The following KLHL29 variants were observed in gnomAD, a reference collection of about 807,000 sequenced individuals.
The protein encoded by KLHL29 is kelch like family member 29.
KLHL29 carries 21 observed loss-of-function variants against 80.4 expected under a neutral mutation model. The observed-to-expected ratio is 0.26, with a 90% CI of 0.19 to 0.38. The LOEUF (loss-of-function observed/expected upper bound fraction) is 0.38. KLHL29 is among the 10% of genes least tolerant of loss of function. The pLI is 1.00. For missense variants in KLHL29, 867 were observed against 1,223.9 expected (o/e 0.71, Z 4.35); for synonymous variants, 511 against 526.8 (o/e 0.97, Z 0.41).
At chr2:23,666,032 C>A (rs1272439848) in intron 5 of KLHL29, among the ~76,000 whole-genome samples, 10 of 152,212 alleles carry the variant, frequency 6.6e-5, no homozygotes, top group Admixed American at 3.3e-4. Flanking sequence ...CACCTCACCC[C>A]AAGTTGTAAA....
Position 23,608,364 on chromosome 2 carries a change from G to A in KLHL29, c.286-30775G>A, listed in dbSNP as rs184155668. 9.2e-5 allele frequency among the ~76,000 whole-genome samples: 14 copies of A among 152,156 alleles called. No individual in the cohort carries two copies. The East Asian group carries it at 2.1e-3, about 23-fold the overall frequency. On this transcript the variant is annotated intron_variant, in intron 3 of 13. Coordinates refer to ENST00000486442, the MANE Select transcript of KLHL29 (RefSeq NM_052920.2). ...TGTGAGGTCTCTTGCCTGTTGCCCT[G>A]ACTTGCAACTGAGTATTTCATTTTT...
At chr2:23,391,853 T>G (rs148103674) in intron 1 of KLHL29, among the ~76,000 whole-genome samples, 142 of 152,354 alleles carry the variant, frequency 9.3e-4, no homozygotes, top group African/African-American at 3.4e-3. Flanking sequence ...GTTACTGACA[T>G]TTGTTCTTCC....
intron 1 of KLHL29, among the ~76,000 whole-genome samples, chr2:23,404,548 G>A (rs1354751190): frequency 6.6e-6 from 1 of 152,152 alleles, no homozygotes; most frequent in Non-Finnish European, 1.5e-5. Flanking sequence ...GATCGAGGTG[G>A]TCCACTGTCA....
chr2:23,622,282 T>C (rs998659175), intron 3 of KLHL29, among the ~76,000 whole-genome samples: 1 of 152,162 alleles, frequency 6.6e-6, no homozygotes, highest in African/African-American at 2.4e-5. Context: ...ATCCCCTCTG[T>C]TCATGCCCAC....
At chr2:23,626,218 C>T (rs1341074915) in intron 3 of KLHL29, among the ~76,000 whole-genome samples, 1 of 152,206 alleles carries the variant, frequency 6.6e-6, no homozygotes, top group Non-Finnish European at 1.5e-5. Flanking sequence ...GTTCGTGCTC[C>T]TATGGGAATC....
At position 23,680,068 on chromosome 2, in the gene KLHL29, G is replaced by A. The variant is rs1458236023; in HGVS notation, c.941-4331G>A. On this transcript the variant is annotated intron_variant, in intron 5 of 13. Transcript: ENST00000486442. This position sits in a 1 kb window ranked among gnomAD's most constrained non-coding sequence, Gnocchi z 4.1. ...AAGGATTTGTGTGGCCAGTGGCTGT[G>A]AGGATGCAGTGTGGAGGTGGCCTGG... Among the ~76,000 whole-genome samples the A allele has an allele frequency of 6.6e-6, 1 of 152,214 alleles. No homozygotes were observed. Among genetic ancestry groups the A allele is most frequent in the South Asian group, 2.1e-4 (1 of 4,834 alleles).
chr2:23,490,849 C>T (rs567767388), intron 2 of KLHL29, among the ~76,000 whole-genome samples: 220 of 152,306 alleles, frequency 1.4e-3, no homozygotes, highest in African/African-American at 5.1e-3. Flanking sequence ...GAGGGTGTAA[C>T]GGGCAGCCCT....
At chr2:23,541,236 CGTGAATGGATGG>C (rs1446403678) in intron 2 of KLHL29, among the ~76,000 whole-genome samples, 2 of 152,096 alleles carry the variant, frequency 1.3e-5, no homozygotes, top group Non-Finnish European at 2.9e-5. Flanking sequence ...CGGAGGGAGA[CGTGAATGGATGG>C]ATGCATGGGT....
In KLHL29 at chr2:23,684,329, A is replaced by C. The variant is rs1282129700; in HGVS notation, c.941-70A>C. 48 of 1,195,142 alleles carry C rather than the reference A, an allele frequency of 4.0e-5. No individual in the cohort carries two copies. Among genetic ancestry groups the C allele is most frequent in the Non-Finnish European group, 4.8e-5 (44 of 913,670 alleles). 74.0% of individuals were successfully genotyped at this position (1,195,142 alleles called of 1,614,324 possible). ...TCTACTTCTTGAAAAAAGAAAAAAA[A>C]CTTTTTTTAATTAAAAAAAAAAAAA... On this transcript the variant is annotated intron_variant, in intron 5 of 13. Transcript: ENST00000486442. This position sits in a 1 kb window ranked among gnomAD's most constrained non-coding sequence, Gnocchi z 4.4.
Position 23,680,514 on chromosome 2 carries a change from C to G in KLHL29, c.941-3885C>G, listed in dbSNP as rs1232125176. ...ACCCAAAAACAACCTCTGGGGCCGACCAACAGGGACAGATGCTGAGGCCAA... is the reference window on the plus strand; with the variant it reads ...ACCCAAAAACAACCTCTGGGGCCGAGCAACAGGGACAGATGCTGAGGCCAA... On this transcript the variant is annotated intron_variant, in intron 5 of 13. Coordinates refer to ENST00000486442, the MANE Select transcript of KLHL29 (RefSeq NM_052920.2). This position sits in a 1 kb window ranked among gnomAD's most constrained non-coding sequence, Gnocchi z 4.1. Among the ~76,000 whole-genome samples the G allele has an allele frequency of 6.6e-6, 1 of 152,320 alleles. No homozygotes were observed. The highest frequency in any genetic ancestry group is 2.4e-5 in the African/African-American group (1 of 41,572).
intron 1 of KLHL29, among the ~76,000 whole-genome samples, chr2:23,408,966 G>T (rs1244590315): frequency 2.0e-5 from 3 of 152,128 alleles, no homozygotes; most frequent in Non-Finnish European, 4.4e-5. Context: ...ATAGGAGTTT[G>T]GGGTTCACAG....
chr2:23,401,876 C>T (rs1666606685), intron 1 of KLHL29, among the ~76,000 whole-genome samples: 1 of 152,216 alleles, frequency 6.6e-6, no homozygotes, highest in African/African-American at 2.4e-5. Context: ...CTGAGGATTG[C>T]CTGATGCAAG....
At chr2:23,439,183 T>C (rs145853148) in intron 1 of KLHL29, among the ~76,000 whole-genome samples, 7,832 of 151,386 alleles carry the variant, frequency 0.052, 223 homozygotes, top group African/African-American at 0.075. Context: ...TTATCGTGTC[T>C]ATTTGATTCT....
intron 2 of KLHL29, among the ~76,000 whole-genome samples, chr2:23,490,850 G>A (rs186797366): frequency 7.6e-4 from 116 of 152,316 alleles, no homozygotes; most frequent in Non-Finnish European, 1.5e-3. Context: ...AGGGTGTAAC[G>A]GGCAGCCCTG....
chr2:23,657,836 C>T (rs764299520), intron 5 of KLHL29, among the ~76,000 whole-genome samples: 1 of 152,210 alleles, frequency 6.6e-6, no homozygotes, highest in Non-Finnish European at 1.5e-5. Flanking sequence ...GCTGAGCCTT[C>T]CGGGCTCCTG....
chr2:23,503,980 A>G lies in KLHL29; in HGVS notation c.-46+28313A>G, dbSNP rs113782944. ...CACTGGGCTGGGAACGCCACACAAA[A>G]GCACTCTCCAAGCCAGCCAGAGGTC... On this transcript the variant is annotated intron_variant, in intron 2 of 13. Transcript: ENST00000486442. The surrounding 1 kb of genome is among the most constrained non-coding windows in gnomAD (Gnocchi z 4.0). Among the ~76,000 whole-genome samples, 2,268 of 152,214 alleles carry G rather than the reference A, an allele frequency of 0.015. 41 individuals carry two copies. Among genetic ancestry groups the G allele is most frequent in the African/African-American group, 0.052 (2,141 of 41,530 alleles).
chr2:23,514,304 T>G (rs573977219), intron 2 of KLHL29, among the ~76,000 whole-genome samples: 1 of 152,106 alleles, frequency 6.6e-6, no homozygotes, highest in Admixed American at 6.5e-5. Flanking sequence ...CAGGGCTCCA[T>G]TGGAGAGAGA....
At position 23,429,095 on chromosome 2, in the gene KLHL29, G is replaced by A. The variant is rs1470102993; in HGVS notation, c.-154+43315G>A. Among the ~76,000 whole-genome samples, 5 of 152,296 alleles carry A rather than the reference G, an allele frequency of 3.3e-5. No individual in the cohort carries two copies. In the East Asian group the frequency reaches 9.6e-4, roughly 29 times the overall value. The stretch of plus-strand genomic sequence containing the variant: ...ATGGCCAACTCTTTGGGTGAGGATC[G>A]TGAGCATCCACCTCTCCCCAACACC... On this transcript the variant is annotated intron_variant, in intron 1 of 13. Transcript: ENST00000486442.
At chr2:23,436,796 G>A (rs1202082944) in intron 1 of KLHL29, among the ~76,000 whole-genome samples, 1 of 152,210 alleles carries the variant, frequency 6.6e-6, no homozygotes, top group African/African-American at 2.4e-5. Context: ...CTAGGTCAAC[G>A]TTTTCATGCC....
Sources: gnomAD v4.1 joint callset for allele counts (sites outside exome capture counted in the v4.1 genomes callset) on GRCh38, gnomAD v4.1.1 for gene constraint, Gnocchi (gnomAD v3.1) non-coding constraint, MANE v1.5 for transcripts, NCBI Gene and HGNC (gene_info 2026-07-23, HGNC 2026-07-21) for gene names.